Variants in LMO7 observed in about 807,000 individuals in gnomAD.
LMO7 encodes the protein LIM domain only protein 7.
LMO7 carries 120 observed loss-of-function variants against 206.5 expected under a neutral mutation model. The observed-to-expected ratio is 0.58, with a 90% CI of 0.50 to 0.68. The LOEUF is 0.68. Ranked by LOEUF, LMO7 falls within the 30% of genes least tolerant of loss-of-function variation. LMO7 has a pLI of 0.00. For missense variants in LMO7, 1,959 were observed against 1,957.9 expected (o/e 1.00, Z -0.01); for synonymous variants, 706 against 681.5 (o/e 1.04, Z -0.56).
intron 3 of LMO7, among the ~76,000 whole-genome samples, chr13:75,750,379 T>A (rs1038002096): frequency 1.3e-4 from 1 of 7,802 alleles, no homozygotes; most frequent in Admixed American, 5.1e-4. Flanking sequence ...GGGGGATCCT[T>A]TTTTTTTTTT....
rs1324046109 is a variant in LMO7 at position 75,853,321 on chromosome 13, A to G, written c.4594A>G (p.Thr1532Ala). ...VKTSTTGVAT[T>A]QSPTPRSHSP... ...GACCTCCACCACAGGTGTGGCCACC[A>G]CACAGTCCCCCACCCCGAGAAGCCA... The change falls in exon 28 of 31, where the codon ACA (threonine) becomes GCA (alanine). Residue 1532 changes from threonine (T) to alanine (A), a missense_variant. Physicochemically the swap from Thr to Ala is moderately conservative, Grantham distance 58. Coordinates refer to ENST00000377534, the MANE Select transcript of LMO7 (RefSeq NM_001306080.2). 6.2e-7 allele frequency: 1 copy of G among 1,614,016 alleles called. No homozygotes were observed. The highest frequency in any genetic ancestry group is 8.5e-7 in the Non-Finnish European group (1 of 1,179,952).
chr13:75,763,679 T>C (rs2048481193), intron 4 of LMO7, among the ~76,000 whole-genome samples: 1 of 152,174 alleles, frequency 6.6e-6, no homozygotes, highest in African/African-American at 2.4e-5. Flanking sequence ...TTGGCCTTGC[T>C]GCAAACTCAA....
chr13:75,669,034 C>T (rs551037272), intron 1 of LMO7, among the ~76,000 whole-genome samples: 1 of 152,216 alleles, frequency 6.6e-6, no homozygotes, highest in African/African-American at 2.4e-5. Flanking sequence ...AGAGGATTGG[C>T]CTGAATTTAT....
chr13:75,800,573 A>C (rs1393038906), intron 6 of LMO7, 111 bp from the exon 7 acceptor site: 1 of 910,432 alleles, frequency 1.1e-6, no homozygotes, highest in African/African-American at 1.7e-5. Context: ...CATGCCTTAC[A>C]TGTCAAATAA....
rs185025913 is a variant in LMO7, at chr13:75,807,853, G to A, written c.1570G>A (p.Ala524Thr). 30 of 1,613,950 alleles carry A rather than the reference G, an allele frequency of 1.9e-5. No individual in the cohort carries two copies. Among genetic ancestry groups the A allele is most frequent in the Admixed American group, 1.0e-4 (6 of 60,018 alleles). Reference protein sequence around the residue: ...KDDMIVRRIPAQKKEVPLSGA... With the variant: ...KDDMIVRRIPTQKKEVPLSGA... The stretch of plus-strand genomic sequence containing the variant: ...TGATATGATTGTTCGCCGAATTCCA[G>A]CACAGAAGAAAGAAGTGCCGCTGTC... The change falls in exon 10 of 31, where the codon GCA becomes ACA. Residue 524 changes from alanine to threonine, a missense_variant. Physicochemically the swap from Ala to Thr is moderately conservative, Grantham distance 58. Coordinates refer to ENST00000377534, the MANE Select transcript of LMO7 (RefSeq NM_001306080.2).
At chr13:75,688,681 G>A (rs1346777085) in intron 1 of LMO7, 1 of 152,318 alleles carries the variant, frequency 6.6e-6, no homozygotes. Flanking sequence ...GTTGTAGCAG[G>A]CAGCAGCTTT....
chr13:75,804,355 C>T lies in LMO7; in HGVS notation c.728C>T (p.Ser243Leu), dbSNP rs371465917. 75 of 1,613,866 alleles carry T rather than the reference C, an allele frequency of 4.6e-5. No homozygotes were observed. The highest frequency in any genetic ancestry group is 5.3e-5 in the Non-Finnish European group (62 of 1,179,778). The change falls in exon 8 of 31, where the codon TCG becomes TTG. Residue 243 changes from serine (S) to leucine (L), a missense_variant. By Grantham distance (145) the Ser-to-Leu change is moderately radical. Coordinates refer to ENST00000377534, the MANE Select transcript of LMO7 (RefSeq NM_001306080.2). ...CAGGATTATAATAAAGATGATATGT[C>T]GTATCGAAGGATTTCGGCTGTTGAG... ...KMQDYNKDDM[S>L]YRRISAVEPK...
At chr13:75,854,507 G>A (rs149826788) in intron 28 of LMO7, among the ~76,000 whole-genome samples, 1 of 152,204 alleles carries the variant, frequency 6.6e-6, no homozygotes, top group Non-Finnish European at 1.5e-5. Context: ...GGGCTTTTCT[G>A]ACCTAAGAAG....
intron 26 of LMO7, among the ~76,000 whole-genome samples, chr13:75,846,124 T>G (rs1192988863): frequency 6.6e-6 from 1 of 152,176 alleles, no homozygotes; most frequent in Non-Finnish European, 1.5e-5. Context: ...AAAATCTGTT[T>G]TCATGTGTTA....
At chr13:75,732,357 T>C (rs1423719727) in intron 3 of LMO7, among the ~76,000 whole-genome samples, 3 of 121,008 alleles carry the variant, frequency 2.5e-5, no homozygotes, top group Admixed American at 7.6e-5. Context: ...CTTCCCTTCT[T>C]GCTTCATTTC....
intron 1 of LMO7, among the ~76,000 whole-genome samples, chr13:75,681,607 G>A (rs1344664005): frequency 2.7e-5 from 4 of 150,622 alleles, no homozygotes; most frequent in East Asian, 1.9e-4. Flanking sequence ...TCACTCTGTC[G>A]TCTTCCCTCT....
At chr13:75,743,978 T>C (rs1337622821) in intron 3 of LMO7, among the ~76,000 whole-genome samples, 2 of 152,212 alleles carry the variant, frequency 1.3e-5, no homozygotes, top group African/African-American at 4.8e-5. Flanking sequence ...TTGACATAGT[T>C]TGAGGTTATC....
chr13:75,751,122 A>G (rs1216252589), intron 3 of LMO7, among the ~76,000 whole-genome samples: 1 of 141,758 alleles, frequency 7.1e-6, no homozygotes, highest in East Asian at 2.0e-4. Flanking sequence ...GATCAGCATC[A>G]TCATGTACTC....
At chr13:75,739,021 A>C (rs2046198127) in intron 3 of LMO7, among the ~76,000 whole-genome samples, 2 of 152,092 alleles carry the variant, frequency 1.3e-5, no homozygotes, top group African/African-American at 4.8e-5. Flanking sequence ...CCTGGCCTCT[A>C]CTCACTAGAT....
intron 2 of LMO7, among the ~76,000 whole-genome samples, chr13:75,623,709 TATC>T (rs2033648006): frequency 6.6e-6 from 1 of 152,072 alleles, no homozygotes; most frequent in Admixed American, 6.6e-5. Context: ...TTATTTTAGG[TATC>T]ATCAAGTAAA....
rs775979040 is a variant in LMO7 at position 75,713,252 on chromosome 13, A to C, written c.140A>C (p.Asp47Ala). ...CTAGAAAATGGTGTTCTGCTGTGTG[A>C]GTAAGTATTTAAAGTATTTAAAAAA... ...ASLENGVLLC[D>A]LINKLKPGVI... The change falls in exon 2 of 31, where the codon GAT (aspartate) becomes GCT (alanine). Residue 47 changes from aspartate to alanine, a missense_variant and splice_region_variant. Physicochemically the swap from Asp to Ala is moderately radical, Grantham distance 126. Transcript: ENST00000377534. The C allele has an allele frequency of 3.1e-6, 5 of 1,602,446 alleles. No individual in the cohort carries two copies. The highest frequency in any genetic ancestry group is 4.3e-6 in the Non-Finnish European group (5 of 1,171,588).
intron 1 of LMO7, among the ~76,000 whole-genome samples, chr13:75,668,934 T>C (rs912693728): frequency 3.9e-5 from 6 of 152,214 alleles, no homozygotes; most frequent in African/African-American, 1.4e-4. Flanking sequence ...AGGTGAGGTT[T>C]GTGCTGACGT....
chr13:75,852,972 C>T (rs2060614458), intron 27 of LMO7, 120 bp from the exon 28 acceptor site: 2 of 780,732 alleles, frequency 2.6e-6, no homozygotes, highest in East Asian at 5.4e-5. Flanking sequence ...AACTAGAATA[C>T]TTAGATTAAT....
At position 75,722,226 on chromosome 13, in the gene LMO7, CT is replaced by C. The variant is rs1320022803; in HGVS notation, c.141-4802del. Among the ~76,000 whole-genome samples, 23 of 152,284 alleles carry C rather than the reference CT, an allele frequency of 1.5e-4. No homozygotes were observed. In the East Asian group the frequency reaches 3.3e-3, roughly 22 times the overall value. ...GGGACTTAATTAAATTAAAAAACTT[CT>C]GCACAGCAAAAGAAATAATCAGCAG... On this transcript the variant is annotated intron_variant, in intron 2 of 30. Coordinates refer to ENST00000377534, the MANE Select transcript of LMO7 (RefSeq NM_001306080.2).
Sources: gnomAD v4.1 joint callset for allele counts (sites outside exome capture counted in the v4.1 genomes callset) on GRCh38, gnomAD v4.1.1 for gene constraint, MANE v1.5 for transcripts, NCBI Gene and HGNC (gene_info 2026-07-23, HGNC 2026-07-21) for gene names.